LURAP1: variants seen among roughly 807,000 people sequenced by gnomAD.
LURAP1 encodes leucine rich adaptor protein 1, also known as NF-kappa-B activator C1orf190.
A neutral mutation model predicts 19.0 loss-of-function variants in LURAP1; 14 were observed. That is an observed-to-expected ratio of 0.74 (90% CI 0.49 to 1.15). The LOEUF (loss-of-function observed/expected upper bound fraction) is 1.15, where lower values mean the gene tolerates loss of function less well. Among genes scored for constraint, LURAP1 ranks in the 50% most tolerant of loss-of-function variants. The pLI is 0.00. For missense variants in LURAP1, 273 were observed against 309.1 expected (o/e 0.88, Z 0.87); for synonymous variants, 129 against 131.8 (o/e 0.98, Z 0.14).
intron 1 of LURAP1, among the ~76,000 whole-genome samples, chr1:46,206,584 G>T (rs1658724560): frequency 6.6e-6 from 1 of 152,082 alleles, no homozygotes; most frequent in Non-Finnish European, 1.5e-5. Context: ...TTCAAGAGAT[G>T]GTGTGAAAAG....
At chr1:46,203,727 C>CA in intron 1 of LURAP1, 103 bp downstream of exon 1, 1 of 1,141,316 alleles carries the variant, frequency 8.8e-7, no homozygotes, top group Non-Finnish European at 1.2e-6. Context: ...GTAGTTAAAA[C>CA]TCTCCACCTA....
intron 1 of LURAP1, among the ~76,000 whole-genome samples, chr1:46,212,524 G>A (rs924783632): frequency 6.6e-6 from 1 of 150,976 alleles, no homozygotes; most frequent in South Asian, 2.1e-4. Context: ...CTCGTGATCC[G>A]CCCGCCTTGG....
chr1:46,204,384 C>A (rs954707488), intron 1 of LURAP1, among the ~76,000 whole-genome samples: 1 of 152,188 alleles, frequency 6.6e-6, no homozygotes, highest in African/African-American at 2.4e-5. Context: ...GCAGCCGAGG[C>A]CCTGGCAGGT....
At chr1:46,207,389 C>A (rs150646841) in intron 1 of LURAP1, among the ~76,000 whole-genome samples, 1 of 151,270 alleles carries the variant, frequency 6.6e-6, no homozygotes, top group Non-Finnish European at 1.5e-5. Context: ...CTAGCTGAGT[C>A]CTTCTTAACC....
At chr1:46,208,886 C>A (rs1448001833) in intron 1 of LURAP1, among the ~76,000 whole-genome samples, 2 of 151,912 alleles carry the variant, frequency 1.3e-5, no homozygotes, top group African/African-American at 4.8e-5. Context: ...GGCATGAAGC[C>A]GTTATGACAA....
rs530159647 is a variant in LURAP1 at position 46,217,754 on chromosome 1, G to C, written c.199-1945G>C. Among the ~76,000 whole-genome samples the C allele has an allele frequency of 8.5e-5, 13 of 152,282 alleles. No individual in the cohort carries two copies. In the East Asian group the frequency reaches 2.5e-3, roughly 29 times the overall value. On this transcript the variant is annotated intron_variant, in intron 1 of 1. Transcript: ENST00000371980. ...TACTTGTAATCCCAGCTACTCAGCA[G>C]GCTGAGGCAAGAGAATCGCTTGAAC...
At chr1:46,214,726 T>C (rs1659010436) in intron 1 of LURAP1, among the ~76,000 whole-genome samples, 1 of 151,680 alleles carries the variant, frequency 6.6e-6, no homozygotes. Flanking sequence ...ATCAGCCAGA[T>C]GTGGTGGCAG....
At position 46,213,916 on chromosome 1, in the gene LURAP1, C is replaced by T. The variant is rs554028107; in HGVS notation, c.199-5783C>T. Among the ~76,000 whole-genome samples, 159 of 151,874 alleles carry T rather than the reference C, an allele frequency of 1.0e-3. 1 individual carries two copies. The highest frequency in any genetic ancestry group is 2.1e-3 in the Non-Finnish European group (140 of 67,996). On this transcript the variant is annotated intron_variant, in intron 1 of 1. Transcript: ENST00000371980. ...CAATTAAACAGCCCAATCAGATCAT[C>T]CTGTAGTGAGGCTCAGAGTTGGCAA...
chr1:46,217,163 C>T (rs1475109426), intron 1 of LURAP1, among the ~76,000 whole-genome samples: 1 of 151,986 alleles, frequency 6.6e-6, no homozygotes, highest in African/African-American at 2.4e-5. Context: ...AAAGGAATTA[C>T]CAAGATGATA....
intron 1 of LURAP1, among the ~76,000 whole-genome samples, chr1:46,206,675 C>T (rs1336677240): frequency 6.6e-6 from 1 of 152,176 alleles, no homozygotes; most frequent in African/African-American, 2.4e-5. Flanking sequence ...ATCCCACTGC[C>T]ACAGGATTAT....
chr1:46,208,537 T>C (rs900974371), intron 1 of LURAP1, among the ~76,000 whole-genome samples: 2 of 152,118 alleles, frequency 1.3e-5, no homozygotes, highest in Non-Finnish European at 2.9e-5. Flanking sequence ...TCAGTGGGAA[T>C]TCCAGTTCAA....
chr1:46,211,549 G>T (rs1344426144), intron 1 of LURAP1, among the ~76,000 whole-genome samples: 2 of 151,380 alleles, frequency 1.3e-5, no homozygotes, highest in Non-Finnish European at 2.9e-5. Flanking sequence ...ACCATTTATT[G>T]ATTTACAGTA....
intron 1 of LURAP1, among the ~76,000 whole-genome samples, chr1:46,206,350 C>G (rs568065914): frequency 6.6e-6 from 1 of 152,106 alleles, no homozygotes; most frequent in East Asian, 1.9e-4. Context: ...TGATAGTCCC[C>G]GCTCTGGGAG....
chr1:46,220,863 T>C lies in LURAP1; in HGVS notation c.*643T>C, dbSNP rs756572655. 7 of 152,242 alleles carry C rather than the reference T, an allele frequency of 4.6e-5. No homozygotes were observed. The highest frequency in any genetic ancestry group is 8.8e-5 in the Non-Finnish European group (6 of 68,064). 9.4% of individuals were successfully genotyped at this position (152,242 alleles called of 1,614,324 possible). Reference sequence around the variant, plus strand: ...TCCCTGGAGTTAACAGATGAAGAGATGGGGGCATAATTACTTCACCCAAAG... The same window carrying C: ...TCCCTGGAGTTAACAGATGAAGAGACGGGGGCATAATTACTTCACCCAAAG... On this transcript the variant is annotated 3_prime_UTR_variant, in exon 2 of 2. Transcript: ENST00000371980.
chr1:46,213,167 A>G (rs995396391), intron 1 of LURAP1, among the ~76,000 whole-genome samples: 1 of 151,896 alleles, frequency 6.6e-6, no homozygotes, highest in Non-Finnish European at 1.5e-5. Context: ...AAATATTTAT[A>G]TGATGTTTCA....
chr1:46,213,935 T>C (rs1658981477), intron 1 of LURAP1, among the ~76,000 whole-genome samples: 1 of 151,716 alleles, frequency 6.6e-6, no homozygotes, highest in South Asian at 2.1e-4. Context: ...AGGCTCAGAG[T>C]TGGCAAGCTT....
intron 1 of LURAP1, among the ~76,000 whole-genome samples, chr1:46,210,714 C>T (rs566488115): frequency 2.0e-5 from 3 of 152,150 alleles, no homozygotes; most frequent in African/African-American, 4.8e-5. Flanking sequence ...CTGTGCTCTC[C>T]CTGGGTGCAC....
At position 46,219,927 on chromosome 1, in the gene LURAP1, T is replaced by G. The variant is rs1659181520; in HGVS notation, c.427T>G (p.Ser143Ala). 5.6e-6 allele frequency: 9 copies of G among 1,614,220 alleles called. No homozygotes were observed. Among genetic ancestry groups the G allele is most frequent in the Non-Finnish European group, 7.6e-6 (9 of 1,180,040 alleles). ...TSTTDRLDSV[S>A]IGSFLDTVAP... ...CACCACCGACCGGCTGGACAGTGTCTCTATTGGCAGCTTCCTGGACACAGT... is the reference window on the plus strand; with the variant it reads ...CACCACCGACCGGCTGGACAGTGTCGCTATTGGCAGCTTCCTGGACACAGT... Residue 143 changes from serine (S) to alanine (A), a missense_variant, in exon 2 of 2, where the codon TCT (serine) becomes GCT (alanine). Ser to Ala is a moderately conservative substitution (Grantham distance 99). Transcript: ENST00000371980.
At chr1:46,211,925 C>G (rs1034760916) in intron 1 of LURAP1, among the ~76,000 whole-genome samples, 1 of 152,086 alleles carries the variant, frequency 6.6e-6, no homozygotes, top group Non-Finnish European at 1.5e-5. Context: ...CAACGCCTGG[C>G]CAATTTTTGT....
Sources: allele counts gnomAD v4.1 joint callset (sites outside exome capture counted in the v4.1 genomes callset), GRCh38; gene constraint gnomAD v4.1.1; transcripts MANE v1.5; gene names NCBI Gene and HGNC (gene_info 2026-07-23, HGNC 2026-07-21).